HMGB3: variants seen among roughly 807,000 people sequenced by gnomAD.
HMGB3 encodes the protein high mobility group protein B3.
A neutral mutation model predicts 12.9 loss-of-function variants in HMGB3; 1 was observed. The observed-to-expected ratio is 0.08, with a 90% CI of 0.03 to 0.37. The LOEUF is 0.37. Among genes scored for constraint, HMGB3 ranks in the 10% least tolerant of loss-of-function variants. The pLI, the probability that HMGB3 is intolerant of heterozygous loss-of-function variation, is 0.99. For synonymous variants in HMGB3, 61 were observed against 53.9 expected, an observed-to-expected ratio of 1.13 and a Z score of -0.57; for missense variants, 74 against 153.3, an observed-to-expected ratio of 0.48 and a Z score of 2.73.
At chrX:150,987,651 A>G (rs782271687) in intron 4 of HMGB3, 126 bp from the exon 5 acceptor site, 49 of 540,683 alleles carry the variant, frequency 9.1e-5, no homozygotes, top group Non-Finnish European at 1.1e-4. Context: ...CTTCAGATAT[A>G]TATGATAGCA....
rs1557425299 is a variant in HMGB3, at chrX:150,987,905, GGAT to G, written c.597_599del (p.Asp199del). 1 of 1,179,691 alleles carries G rather than the reference GGAT, an allele frequency of 8.5e-7. No individual in the cohort carries two copies. Among genetic ancestry groups the G allele is most frequent in the Non-Finnish European group, 1.1e-6 (1 of 880,449 alleles). On this transcript the variant is annotated inframe_deletion, in exon 5 of 5. Transcript: ENST00000325307. ...AAGAAGAGGAGGAGGAGGAGGAGGA[GGAT>G]GAATAAAGAAACTGTTTATCTGTCT...
intron 1 of HMGB3, among the ~76,000 whole-genome samples, chrX:150,985,366 C>G (rs1432029325): frequency 8.9e-6 from 1 of 112,042 alleles, no homozygotes; most frequent in African/African-American, 3.2e-5. Context: ...TGAGAAGTAA[C>G]TCGCAAACCA....
upstream of HMGB3, among the ~76,000 whole-genome samples, chrX:150,981,783 GA>G (rs1287356295): frequency 9.0e-6 from 1 of 111,297 alleles, no homozygotes; most frequent in Non-Finnish European, 1.9e-5. Flanking sequence ...ATCTGGATTG[GA>G]ACCTTGATGA....
At chrX:150,984,883 G>A (rs1283356234) in intron 1 of HMGB3, among the ~76,000 whole-genome samples, 1 of 112,048 alleles carries the variant, frequency 8.9e-6, no homozygotes, top group African/African-American at 3.2e-5. Context: ...ATTTTTATTT[G>A]GAAACTTTGG....
chrX:150,986,333 A>G (rs2048051718), intron 3 of HMGB3, 143 bp downstream of exon 3: 1 of 448,244 alleles, frequency 2.2e-6, no homozygotes, highest in Non-Finnish European at 3.6e-6. Flanking sequence ...TCTGCAAACC[A>G]TTCTGTACTT....
chrX:150,989,533 G>GT lies in HMGB3; in HGVS notation c.*1621dup, dbSNP rs1197074600. On this transcript the variant is annotated 3_prime_UTR_variant, in exon 5 of 5. Coordinates refer to ENST00000325307, the MANE Select transcript of HMGB3 (RefSeq NM_005342.4). ...AAGGAGCTTGGTTTGTGTGTCAGTG[G>GT]TTATATTAGTGGGTAGTGTAACATT... 8.9e-6 allele frequency: 1 copy of GT among 111,845 alleles called. No homozygotes were observed. Among genetic ancestry groups the GT allele is most frequent in the Non-Finnish European group, 1.9e-5 (1 of 53,195 alleles). The allele number at this position is 111,845 out of a possible 1,213,427, so 9.2% of individuals were successfully genotyped here.
chrX:150,983,894 C>G (rs2048017606), intron 1 of HMGB3, among the ~76,000 whole-genome samples: 1 of 106,522 alleles, frequency 9.4e-6, no homozygotes, highest in African/African-American at 3.3e-5. Context: ...CCGGGGGCCG[C>G]CGCACGGGCA....
chrX:150,990,593 C>T lies in HMGB3; in HGVS notation c.*2679C>T, dbSNP rs1557425372. The T allele has an allele frequency of 9.1e-6, 1 of 109,562 alleles. No homozygotes were observed. Among genetic ancestry groups the T allele is most frequent in the East Asian group, 2.8e-4 (1 of 3,517 alleles). The allele number at this position is 109,562 out of a possible 1,213,427, so 9.0% of individuals were successfully genotyped here. A position where few individuals can be genotyped will look rare whatever the true frequency, so the allele number is the denominator to read the frequency against. On this transcript the variant is annotated 3_prime_UTR_variant, in exon 5 of 5. Transcript: ENST00000325307. ...CCATTTAAAAGGATAGTACCTACTC[C>T]CTCTAACCACCTCACCCCATTCTTG...
At position 150,985,476 on chromosome X, in the gene HMGB3, G is replaced by A. The variant is rs782659683; in HGVS notation, c.-5-119G>A. ...CACTGGTGTCCGGCATTGGGGGAAG[G>A]GGACTTCCTAACAGCAAGTGTAGTT... On this transcript the variant is annotated intron_variant, in intron 1 of 4. Transcript: ENST00000325307. 4.4e-5 allele frequency: 20 copies of A among 456,906 alleles called. No homozygotes were observed. In the South Asian group the frequency reaches 4.8e-4, roughly 11 times the overall value. 37.7% of individuals were successfully genotyped at this position (456,906 alleles called of 1,213,427 possible).
At chrX:150,981,347 C>T (rs782814068), upstream of HMGB3, among the ~76,000 whole-genome samples, 1 of 107,368 alleles carries the variant, frequency 9.3e-6, no homozygotes, top group Non-Finnish European at 1.9e-5. Context: ...AACCACTAAG[C>T]TGGTTCTAAC....
upstream of HMGB3, chrX:150,980,653 G>A: frequency 1.4e-6 from 1 of 732,845 alleles, no homozygotes; most frequent in Non-Finnish European, 1.6e-6. Context: ...AAGTATGTGG[G>A]GAGAAATAGA....
rs201596148 is a variant in HMGB3, at chrX:150,986,112, A to G, written c.212A>G (p.Tyr71Cys). The G allele has an allele frequency of 1.7e-6, 2 of 1,203,179 alleles. No individual in the cohort carries two copies. Among genetic ancestry groups the G allele is most frequent in the Non-Finnish European group, 2.2e-6 (2 of 891,190 alleles). The change falls in exon 3 of 5, where the codon TAT becomes TGT. Residue 71 changes from tyrosine (Y) to cysteine (C), a missense_variant. This residue lies in a region of HMGB3 where 45 missense variants were observed against 123.8 expected (regional missense o/e 0.36). Coordinates refer to ENST00000325307, the MANE Select transcript of HMGB3 (RefSeq NM_005342.4). ...ATGGCAAAGGCAGATAAAGTGCGCT[A>G]TGATCGGGAAATGAAGGATTATGGA... ...DEMAKADKVRYDREMKDYGPA... is the reference protein window; with the variant it reads ...DEMAKADKVRCDREMKDYGPA...
rs1177263310 is a variant in HMGB3 at position 150,987,929 on chromosome X, T to G, written c.*15T>G. 1 of 1,182,662 alleles carries G rather than the reference T, an allele frequency of 8.5e-7. No homozygotes were observed. Among genetic ancestry groups the G allele is most frequent in the Non-Finnish European group, 1.1e-6 (1 of 886,271 alleles). ...AGGATGAATAAAGAAACTGTTTATC[T>G]GTCTCCTTGTGAATACTTAGAGTAG... On this transcript the variant is annotated 3_prime_UTR_variant, in exon 5 of 5. Transcript: ENST00000325307.
intron 1 of HMGB3, chrX:150,983,616 C>T: frequency 6.7e-6 from 5 of 749,461 alleles, no homozygotes; most frequent in Non-Finnish European, 7.9e-6. Context: ...CCAACGCGTT[C>T]CCCGAGCTCC....
intron 2 of HMGB3, 48 bp downstream of exon 2, chrX:150,985,797 C>T (rs782659072): frequency 2.8e-6 from 3 of 1,085,054 alleles, no homozygotes; most frequent in Non-Finnish European, 1.3e-6. Flanking sequence ...GGGTTTCTTA[C>T]TTTGGGGTTA....
upstream of HMGB3, chrX:150,983,265 G>A (rs1557425122): frequency 4.0e-6 from 3 of 751,488 alleles, no homozygotes; most frequent in African/African-American, 4.6e-5. Flanking sequence ...TGTTTTAAAC[G>A]GCAGAGCCCG....
intron 1 of HMGB3, 178 bp from the exon 2 acceptor site, chrX:150,985,417 A>G: frequency 8.2e-6 from 3 of 365,120 alleles, no homozygotes; most frequent in East Asian, 4.0e-5. Flanking sequence ...ACAAGCGACA[A>G]TGAAGCTGAT....
At chrX:150,981,475 C>CT (rs34415347), upstream of HMGB3, among the ~76,000 whole-genome samples, 110 of 86,745 alleles carry the variant, frequency 1.3e-3, no homozygotes, top group Middle Eastern at 5.8e-3. Flanking sequence ...CTATCTCTGC[C>CT]TTTTTTTTTT....
Position 150,987,770 on chromosome X carries a change from C to T in HMGB3, c.466-7C>T. ...TACTCATTTGAAATGTGTCCCTGTT[C>T]CTCTAGGATGTTGCTGACTATAAGT... On this transcript the variant is annotated splice_region_variant and splice_polypyrimidine_tract_variant and intron_variant, in intron 4 of 4. Transcript: ENST00000325307. The T allele has an allele frequency of 8.3e-7, 1 of 1,197,713 alleles. No individual in the cohort carries two copies.
Sources: gnomAD v4.1 joint callset for allele counts (sites outside exome capture counted in the v4.1 genomes callset) on GRCh38, gnomAD v4.1.1 for gene constraint, gnomAD v4.1.1 regional missense constraint, MANE v1.5 for transcripts, NCBI Gene and HGNC (gene_info 2026-07-23, HGNC 2026-07-21) for gene names.